Variants in PGCKA1 observed in about 807,000 individuals in gnomAD.
The protein encoded by PGCKA1 is PDCD10 and GCKIII kinases-associated protein 1.
At chr4:37,466,007 G>C in the PGCKA1 span, among the ~76,000 whole-genome samples, 1 of 138,902 alleles carries the variant, frequency 7.2e-6, no homozygotes, top group East Asian at 2.1e-4. Context: ...AGGAACATTG[G>C]GAAGGGTAAA....
the PGCKA1 span, among the ~76,000 whole-genome samples, chr4:37,505,100 A>AC: frequency 3.9e-5 from 6 of 152,260 alleles, no homozygotes; most frequent in African/African-American, 1.2e-4. Context: ...TTCCCTCAAT[A>AC]CCCAGTTTCT....
chr4:37,461,899 G>A, the PGCKA1 span, among the ~76,000 whole-genome samples: 2 of 152,002 alleles, frequency 1.3e-5, no homozygotes, highest in South Asian at 2.1e-4. Context: ...CATGGGACTC[G>A]ATGCCAGATC....
At chr4:37,495,379 C>T in the PGCKA1 span, among the ~76,000 whole-genome samples, 4 of 152,168 alleles carry the variant, frequency 2.6e-5, no homozygotes, top group Non-Finnish European at 4.4e-5. Flanking sequence ...AATCCCATTA[C>T]TGGGTATATA....
the PGCKA1 span, among the ~76,000 whole-genome samples, chr4:37,558,240 G>T: frequency 4.6e-5 from 7 of 152,268 alleles, no homozygotes; most frequent in South Asian, 8.3e-4. Context: ...ACTCACTCAG[G>T]TTTGAGTAGA....
At chr4:37,539,792 T>C in the PGCKA1 span, among the ~76,000 whole-genome samples, 1 of 152,204 alleles carries the variant, frequency 6.6e-6, no homozygotes, top group Non-Finnish European at 1.5e-5. Flanking sequence ...TTTGCAAGAA[T>C]TTAAAACAAT....
At chr4:37,538,945 G>GA in the PGCKA1 span, among the ~76,000 whole-genome samples, 1 of 152,196 alleles carries the variant, frequency 6.6e-6, no homozygotes, top group African/African-American at 2.4e-5. Context: ...ACTCTAGAGA[G>GA]AATGGTTAAT....
At chr4:37,581,767 C>T in the PGCKA1 span, among the ~76,000 whole-genome samples, 51 of 152,096 alleles carry the variant, frequency 3.4e-4, no homozygotes, top group African/African-American at 1.2e-3. This position sits in a 1 kb window ranked among gnomAD's most constrained non-coding sequence, Gnocchi z 4.4. Context: ...AGATCAGGTG[C>T]CCCCCCAGGT....
the PGCKA1 span, among the ~76,000 whole-genome samples, chr4:37,504,128 C>A: frequency 3.3e-5 from 5 of 152,120 alleles, no homozygotes; most frequent in African/African-American, 1.2e-4. Context: ...TTGTATATGG[C>A]AAGAGATAGG....
At chr4:37,543,200 GTGGGT>G in the PGCKA1 span, among the ~76,000 whole-genome samples, 40 of 142,018 alleles carry the variant, frequency 2.8e-4, no homozygotes, top group Middle Eastern at 7.7e-3. Context: ...TATTTCTTTG[GTGGGT>G]TTTTTTCCAT....
the PGCKA1 span, among the ~76,000 whole-genome samples, chr4:37,578,273 G>A: frequency 6.6e-6 from 1 of 152,190 alleles, no homozygotes; most frequent in Admixed American, 6.5e-5. Context: ...TCCTCTTGCT[G>A]AATTGAACCC....
At chr4:37,516,355 G>A in the PGCKA1 span, among the ~76,000 whole-genome samples, 10 of 152,344 alleles carry the variant, frequency 6.6e-5, no homozygotes, top group Middle Eastern at 0.014. Context: ...GACCGAAATC[G>A]ATGTTTTCCG....
chr4:37,541,629 A>G, the PGCKA1 span, among the ~76,000 whole-genome samples: 6 of 152,330 alleles, frequency 3.9e-5, no homozygotes, highest in South Asian at 6.2e-4. Context: ...TTCCTGGTTC[A>G]TGCATTATGT....
the PGCKA1 span, among the ~76,000 whole-genome samples, chr4:37,484,535 T>C: frequency 1.3e-5 from 2 of 152,064 alleles, no homozygotes; most frequent in African/African-American, 4.8e-5. Flanking sequence ...GTGGGGAGCA[T>C]ATCATGATAT....
At chr4:37,469,640 G>A in the PGCKA1 span, among the ~76,000 whole-genome samples, 1 of 152,164 alleles carries the variant, frequency 6.6e-6, no homozygotes, top group Admixed American at 6.5e-5. Context: ...GACCTGGACT[G>A]TATATGTGCA....
chr4:37,504,576 TTG>T, the PGCKA1 span, among the ~76,000 whole-genome samples: 1 of 152,180 alleles, frequency 6.6e-6, no homozygotes, highest in South Asian at 2.1e-4. Flanking sequence ...CCTTTCCATT[TTG>T]TGTGTGTGTC....
the PGCKA1 span, among the ~76,000 whole-genome samples, chr4:37,584,730 G>A: frequency 3.3e-5 from 5 of 152,110 alleles, no homozygotes; most frequent in Non-Finnish European, 5.9e-5. Context: ...GGTCAATCTT[G>A]GTCAGCCTCC....
the PGCKA1 span, among the ~76,000 whole-genome samples, chr4:37,528,127 C>A: frequency 6.6e-6 from 1 of 152,126 alleles, no homozygotes; most frequent in East Asian, 1.9e-4. Context: ...TTAATTATTT[C>A]GAGCACCAAC....
At chr4:37,585,423 GTA>G in the PGCKA1 span, among the ~76,000 whole-genome samples, 46 of 21,488 alleles carry the variant, frequency 2.1e-3, 21 homozygotes, top group African/African-American at 4.6e-3. Flanking sequence ...GGAGGGGAGG[GTA>G]GAGGAGAGGT....
chr4:37,514,232 A>G, the PGCKA1 span, among the ~76,000 whole-genome samples: 1 of 152,282 alleles, frequency 6.6e-6, no homozygotes, highest in South Asian at 2.1e-4. Flanking sequence ...ATTAGATTTT[A>G]TAACAGCACC....
Sources: allele counts gnomAD v4.1 joint callset (sites outside exome capture counted in the v4.1 genomes callset), GRCh38; gene constraint gnomAD v4.1.1; non-coding constraint Gnocchi (gnomAD v3.1); transcripts MANE v1.5; gene names NCBI Gene and HGNC (gene_info 2026-07-23, HGNC 2026-07-21).